Variants in SIPA1L1 observed in about 807,000 individuals in gnomAD.
SIPA1L1 encodes the protein signal-induced proliferation-associated 1-like protein 1.
A neutral mutation model predicts 162.7 loss-of-function variants in SIPA1L1; 26 were observed. That is an observed-to-expected ratio of 0.16 (90% CI 0.12 to 0.22). SIPA1L1 has a LOEUF of 0.22. Ranked by LOEUF, SIPA1L1 falls within the 10% of genes least tolerant of loss-of-function variation. The pLI, the probability that SIPA1L1 is intolerant of heterozygous loss-of-function variation, is 1.00. For missense variants in SIPA1L1, 1,874 were observed against 2,241.0 expected, an observed-to-expected ratio of 0.84 and a Z score of 3.31; for synonymous variants, 829 against 837.4, an observed-to-expected ratio of 0.99 and a Z score of 0.17.
chr14:71,660,436 C>T (rs2043414198), intron 9 of SIPA1L1, among the ~76,000 whole-genome samples: 1 of 152,046 alleles, frequency 6.6e-6, no homozygotes, highest in African/African-American at 2.4e-5. Context: ...TCCCACCTGG[C>T]AGCCAATACT....
At chr14:71,529,288 G>T in intron 3 of SIPA1L1, 24 bp from the exon 4 acceptor site, 1 of 609,154 alleles carries the variant, frequency 1.6e-6, no homozygotes, top group Non-Finnish European at 2.9e-6. Context: ...ACTTAACCAG[G>T]TTTTTTTTCT....
intron 5 of SIPA1L1, among the ~76,000 whole-genome samples, chr14:71,612,356 G>A (rs1415359862): frequency 6.6e-6 from 1 of 151,942 alleles, no homozygotes; most frequent in Non-Finnish European, 1.5e-5. Flanking sequence ...CAGAAACATT[G>A]TTTTTTATAT....
chr14:71,670,136 C>T (rs1264602687), intron 10 of SIPA1L1, among the ~76,000 whole-genome samples: 1 of 152,188 alleles, frequency 6.6e-6, no homozygotes, highest in Non-Finnish European at 1.5e-5. Context: ...GTGTTAGAAT[C>T]ATTTCCAGTC....
At chr14:71,621,664 CT>C (rs2039461794) in intron 6 of SIPA1L1, among the ~76,000 whole-genome samples, 1 of 152,160 alleles carries the variant, frequency 6.6e-6, no homozygotes, top group Non-Finnish European at 1.5e-5. Flanking sequence ...ATTTTGTTTG[CT>C]TTTAATCTCT....
intron 7 of SIPA1L1, among the ~76,000 whole-genome samples, chr14:71,644,686 G>A (rs182286719): frequency 1.1e-3 from 173 of 152,318 alleles, no homozygotes; most frequent in Non-Finnish European, 2.0e-3. Flanking sequence ...AGAGTTAAGT[G>A]TTGGGAAACC....
intron 12 of SIPA1L1, among the ~76,000 whole-genome samples, chr14:71,677,110 T>C (rs2045289144): frequency 6.6e-6 from 1 of 152,236 alleles, no homozygotes; most frequent in African/African-American, 2.4e-5. Context: ...AGTGTTCCTA[T>C]TTCTCCACAT....
chr14:71,413,590 T>C (rs985290578), intron 2 of SIPA1L1, among the ~76,000 whole-genome samples: 2 of 152,078 alleles, frequency 1.3e-5, no homozygotes, highest in African/African-American at 4.8e-5. Flanking sequence ...ACACAAAAAT[T>C]AGCCGGTGTG....
intron 2 of SIPA1L1, among the ~76,000 whole-genome samples, chr14:71,454,111 CCCAGGTCTGGTG>C (rs2046022830): frequency 6.6e-6 from 1 of 151,714 alleles, no homozygotes; most frequent in Admixed American, 6.6e-5. Flanking sequence ...ACCCTGTGTT[CCCAGGTCTGGTG>C]CCAGGCATTG....
chr14:71,364,929 A>G (rs1438661952), intron 2 of SIPA1L1, among the ~76,000 whole-genome samples: 2 of 151,964 alleles, frequency 1.3e-5, no homozygotes, highest in Non-Finnish European at 1.5e-5. Context: ...TATTTTTAGT[A>G]GAGGATGGGT....
intron 17 of SIPA1L1, among the ~76,000 whole-genome samples, chr14:71,711,956 G>C (rs556233517): frequency 6.6e-6 from 1 of 152,182 alleles, no homozygotes; most frequent in African/African-American, 2.4e-5. Flanking sequence ...TGAGACTTTG[G>C]TATGTTGATC....
chr14:71,696,508 A>T (rs949388389), intron 13 of SIPA1L1, among the ~76,000 whole-genome samples: 1 of 152,182 alleles, frequency 6.6e-6, no homozygotes, highest in African/African-American at 2.4e-5. Context: ...TTATTCACAA[A>T]TTTTGGCACT....
intron 12 of SIPA1L1, among the ~76,000 whole-genome samples, chr14:71,678,537 G>T (rs933335884): frequency 6.6e-6 from 1 of 152,180 alleles, no homozygotes; most frequent in African/African-American, 2.4e-5. Flanking sequence ...GCTGGATTCG[G>T]TTTGCCAGTA....
chr14:71,705,794 C>T (rs950252233), intron 16 of SIPA1L1, among the ~76,000 whole-genome samples: 5 of 151,984 alleles, frequency 3.3e-5, no homozygotes, highest in Admixed American at 2.0e-4. Context: ...CCTCCTCTAC[C>T]GCTTCTCTTG....
chr14:71,506,330 C>T (rs556851863), intron 2 of SIPA1L1, among the ~76,000 whole-genome samples: 1 of 151,854 alleles, frequency 6.6e-6, no homozygotes, highest in South Asian at 2.1e-4. Context: ...ATTACTTGTC[C>T]AAGCAAATAC....
chr14:71,447,857 C>G (rs2045530942), intron 2 of SIPA1L1, among the ~76,000 whole-genome samples: 1 of 152,160 alleles, frequency 6.6e-6, no homozygotes, highest in Non-Finnish European at 1.5e-5. Flanking sequence ...GTGTGAGCCA[C>G]CATGCCTGGC....
At chr14:71,729,198 GGTAATTTTT>G (rs973155202) in intron 19 of SIPA1L1, among the ~76,000 whole-genome samples, 4 of 151,976 alleles carry the variant, frequency 2.6e-5, no homozygotes, top group Non-Finnish European at 4.4e-5. Context: ...ACCACGGCTG[GGTAATTTTT>G]GTATTTTTAG....
intron 3 of SIPA1L1, among the ~76,000 whole-genome samples, chr14:71,517,313 T>A (rs538466379): frequency 4.3e-4 from 66 of 152,146 alleles, no homozygotes; most frequent in African/African-American, 1.2e-3. Context: ...ATTAAAAAAA[T>A]TTTTTTTGGT....
chr14:71,606,525 G>A (rs2037523830), intron 5 of SIPA1L1, among the ~76,000 whole-genome samples: 1 of 152,166 alleles, frequency 6.6e-6, no homozygotes, highest in Admixed American at 6.5e-5. Context: ...GGACTCAGGA[G>A]GGTATGTTGG....
Position 71,661,438 on chromosome 14 carries a change from C to T in SIPA1L1, c.2226C>T (p.His742=), listed in dbSNP as rs746779454. ...ACGTTTTCGTCATCGTCAGGGTGCA[C>T]AATCCGTGCTCTGACAGTGTCTGTT... The part of the protein sequence containing the change: ...FQHVFVIVRV[H]NPCSDSVCYS... Residue 742 remains histidine, a synonymous_variant, in exon 10 of 24, where the codon CAC becomes CAT. Transcript: ENST00000381232. 6.8e-6 allele frequency: 11 copies of T among 1,613,890 alleles called. No individual in the cohort carries two copies. Among genetic ancestry groups the T allele is most frequent in the Middle Eastern group, 1.6e-4 (1 of 6,084 alleles).
Sources: allele counts gnomAD v4.1 joint callset (sites outside exome capture counted in the v4.1 genomes callset), GRCh38; gene constraint gnomAD v4.1.1; transcripts MANE v1.5; gene names NCBI Gene and HGNC (gene_info 2026-07-23, HGNC 2026-07-21).